KRT80: variants seen among roughly 807,000 people sequenced by gnomAD.
KRT80 encodes keratin, type II cytoskeletal 80.
A neutral mutation model predicts 51.5 loss-of-function variants in KRT80; 36 were observed. The ratio of observed to expected loss-of-function variants is 0.70; its 90% confidence interval spans 0.54 to 0.92. The LOEUF is 0.92. Among genes scored for constraint, KRT80 ranks in the 40% least tolerant of loss-of-function variants. KRT80 has a pLI of 0.00. For synonymous variants in KRT80, 235 were observed against 248.3 expected, an observed-to-expected ratio of 0.95 and a Z score of 0.50; for missense variants, 566 against 591.7, an observed-to-expected ratio of 0.96 and a Z score of 0.45.
intron 8 of KRT80, 57 bp from the exon 9 acceptor site, chr12:52,171,579 A>G: frequency 6.2e-7 from 1 of 1,612,920 alleles, no homozygotes. Context: ...GGAGCCACTT[A>G]AAATGATGCC....
chr12:52,183,704 C>A (rs570947118), intron 2 of KRT80, among the ~76,000 whole-genome samples: 1 of 152,374 alleles, frequency 6.6e-6, no homozygotes, highest in Admixed American at 6.5e-5. Context: ...TATAGAACTT[C>A]CAGTTACAAA....
At chr12:52,171,764 A>G (rs1191793489) in intron 7 of KRT80, 51 bp from the exon 8 acceptor site, 1 of 1,301,328 alleles carries the variant, frequency 7.7e-7, no homozygotes, top group Admixed American at 2.0e-5. Context: ...GGATGCGAAG[A>G]GAGCCTGTGG....
At chr12:52,171,631 A>G (rs370028987) in intron 8 of KRT80, 27 bp downstream of exon 8, 21 of 1,518,778 alleles carry the variant, frequency 1.4e-5, no homozygotes, top group African/African-American at 2.8e-5. Flanking sequence ...TCACCCCACC[A>G]TGGGTTCTCG....
At chr12:52,176,261 T>G (rs1429341578) in intron 4 of KRT80, among the ~76,000 whole-genome samples, 1 of 152,130 alleles carries the variant, frequency 6.6e-6, no homozygotes. Context: ...AGGTACCCAA[T>G]GGGATGGGAC....
At chr12:52,175,189 T>C (rs1184440272) in intron 4 of KRT80, among the ~76,000 whole-genome samples, 1 of 152,234 alleles carries the variant, frequency 6.6e-6, no homozygotes, top group Non-Finnish European at 1.5e-5. Flanking sequence ...CATATGTCTG[T>C]AGGTCTCCTG....
intron 6 of KRT80, 71 bp from the exon 7 acceptor site, chr12:52,172,489 GTC>G: frequency 1.4e-6 from 2 of 1,411,778 alleles, no homozygotes; most frequent in Non-Finnish European, 1.9e-6. Flanking sequence ...GCCAGGAGTC[GTC>G]TCTGTCCTTG....
chr12:52,182,398 G>A (rs2055777358), intron 2 of KRT80, among the ~76,000 whole-genome samples: 1 of 152,202 alleles, frequency 6.6e-6, no homozygotes, highest in African/African-American at 2.4e-5. Flanking sequence ...GGAGTGTGCT[G>A]ATGAAGCAAG....
In KRT80 at chr12:52,172,169, A is replaced by G. The variant is rs369439941; in HGVS notation, c.1178+29T>C. The stretch of plus-strand genomic sequence containing the variant: ...GGGCCTCCAGCCCTCCTTCCCCTGC[A>G]GCCCTTCCTCACCAGCCCTGGCTCT... On this transcript the variant is annotated intron_variant, in intron 7 of 8. Transcript: ENST00000394815. The G allele has an allele frequency of 3.8e-5, 61 of 1,610,102 alleles. No individual in the cohort carries two copies. In the African/African-American group the frequency reaches 7.7e-4, roughly 20 times the overall value.
At chr12:52,174,398 C>T (rs1388782775) in intron 4 of KRT80, among the ~76,000 whole-genome samples, 2 of 152,262 alleles carry the variant, frequency 1.3e-5, no homozygotes, top group Non-Finnish European at 2.9e-5. Flanking sequence ...TGTGAGGAGC[C>T]TGGGCGCAGC....
At chr12:52,185,234 C>T (rs1212242393) in intron 2 of KRT80, 145 bp downstream of exon 2, 2 of 799,680 alleles carry the variant, frequency 2.5e-6, no homozygotes, top group South Asian at 1.8e-5. Flanking sequence ...CTGCCTGGCA[C>T]ATACCAGTCC....
Position 52,176,021 on chromosome 12 carries a change from T to A in KRT80, c.667-2257A>T, listed in dbSNP as rs183782437. The stretch of plus-strand genomic sequence containing the variant: ...TTCTACAGGAGGGCCTAACTTGGCA[T>A]TCGTTATGGCCCCAGGAAAGGCCGG... On this transcript the variant is annotated intron_variant, in intron 4 of 8. Transcript: ENST00000394815. 2.0e-3 allele frequency among the ~76,000 whole-genome samples: 312 copies of A among 152,260 alleles called. 1 individual carries two copies. Among genetic ancestry groups the A allele is most frequent in the Admixed American group, 0.019 (292 of 15,300 alleles).
intron 2 of KRT80, among the ~76,000 whole-genome samples, chr12:52,182,078 C>T (rs1001253067): frequency 5.3e-5 from 8 of 152,176 alleles, no homozygotes; most frequent in Admixed American, 2.0e-4. Context: ...TGGCAGGGCA[C>T]GTGGGTTTCT....
chr12:52,175,808 A>G (rs1592358705), intron 4 of KRT80, among the ~76,000 whole-genome samples: 1 of 152,146 alleles, frequency 6.6e-6, no homozygotes, highest in Non-Finnish European at 1.5e-5. Flanking sequence ...CCGTGTCAGA[A>G]TAAGATTGAT....
intron 1 of KRT80, among the ~76,000 whole-genome samples, chr12:52,189,001 G>T (rs571846802): frequency 6.6e-6 from 1 of 152,186 alleles, no homozygotes; most frequent in Admixed American, 6.5e-5. Context: ...AATCTGGGGC[G>T]CAGAGAGGGT....
rs777916731 is a variant in KRT80, at chr12:52,172,352, T to C, written c.1024A>G (p.Lys342Glu). Residue 342 changes from lysine (K) to glutamate (E), a missense_variant, in exon 7 of 9, where the codon AAG becomes GAG. Coordinates refer to ENST00000394815, the MANE Select transcript of KRT80 (RefSeq NM_182507.3). ...EQGELAFQDA[K>E]TKLAQLEAAL... Reference sequence around the variant, plus strand: ...GCCTCCAGCTGGGCCAGCTTGGTCTTGGCATCCTGGAAGGCCAGCTCACCC... The same window carrying C: ...GCCTCCAGCTGGGCCAGCTTGGTCTCGGCATCCTGGAAGGCCAGCTCACCC... 2 of 1,614,210 alleles carry C rather than the reference T, an allele frequency of 1.2e-6. No homozygotes were observed. Among genetic ancestry groups the C allele is most frequent in the East Asian group, 4.5e-5 (2 of 44,878 alleles).
chr12:52,178,468 C>G (rs1286614702), intron 4 of KRT80, among the ~76,000 whole-genome samples: 1 of 152,268 alleles, frequency 6.6e-6, no homozygotes, highest in African/African-American at 2.4e-5. Context: ...CATCTCCAGT[C>G]TCCACTGGGC....
chr12:52,172,141 CCTGGG>C, intron 7 of KRT80, 52 bp downstream of exon 7: 2 of 1,577,610 alleles, frequency 1.3e-6, no homozygotes, highest in Non-Finnish European at 1.7e-6. Flanking sequence ...TTTGTGTAGG[CCTGGG>C]CCTCCAGCCC....
Position 52,170,647 on chromosome 12 carries a change from T to G in KRT80, c.*751A>C, listed in dbSNP as rs985274075. ...CTGGCTTCCACTCCCAGGGAGTTGA[T>G]TATGGCAAGAGCAGCTTCCGGAGAA... is the stretch of plus-strand genomic sequence containing the variant. On this transcript the variant is annotated 3_prime_UTR_variant, in exon 9 of 9. Transcript: ENST00000394815. The G allele has an allele frequency of 6.6e-6, 1 of 152,298 alleles. No homozygotes were observed. Among genetic ancestry groups the G allele is most frequent in the African/African-American group, 2.4e-5 (1 of 41,444 alleles). The allele number at this position is 152,298 out of a possible 1,614,324, so 9.4% of individuals were successfully genotyped here.
intron 4 of KRT80, among the ~76,000 whole-genome samples, chr12:52,176,327 AG>A (rs774195712): frequency 1.2e-4 from 19 of 152,172 alleles, no homozygotes; most frequent in Admixed American, 6.5e-4. Context: ...AGTACAGTTT[AG>A]GGTTTCCCTT....
Sources: allele counts gnomAD v4.1 joint callset (sites outside exome capture counted in the v4.1 genomes callset), GRCh38; gene constraint gnomAD v4.1.1; transcripts MANE v1.5; gene names NCBI Gene and HGNC (gene_info 2026-07-23, HGNC 2026-07-21).